The following TTC39B variants were observed in gnomAD, a reference collection of about 807,000 sequenced individuals.
TTC39B encodes tetratricopeptide repeat domain 39B.
A neutral mutation model predicts 96.6 loss-of-function variants in TTC39B; 92 were observed. The ratio of observed to expected loss-of-function variants is 0.95; its 90% CI spans 0.80 to 1.13. The LOEUF is 1.13. TTC39B is among the 50% of genes most tolerant of loss of function. The pLI, the probability that TTC39B is intolerant of heterozygous loss-of-function variation, is 0.00. For missense variants in TTC39B, 955 were observed against 809.3 expected (o/e 1.18, Z -2.18); for synonymous variants, 367 against 299.4 (o/e 1.23, Z -2.33).
chr9:15,281,625 C>CAAAAAAAAAAA lies in TTC39B; in HGVS notation c.241-13688_241-13678dup, dbSNP rs1161175672. On this transcript the variant is annotated intron_variant, in intron 1 of 19. Transcript: ENST00000512701. ...CCTACCAACATCCCCCCTGCAACAG[C>CAAAAAAAAAAA]AAAAAAAAAAAAAAAAAAAAAAAAA... Among the ~76,000 whole-genome samples, 35 of 48,990 alleles carry CAAAAAAAAAAA rather than the reference C, an allele frequency of 7.1e-4. 1 individual carries two copies. The highest frequency in any genetic ancestry group is 3.2e-3 in the African/African-American group (34 of 10,504). 32.1% of individuals were successfully genotyped at this position (48,990 alleles called of 152,430 possible). A position where few individuals can be genotyped will look rare whatever the true frequency, so the allele number is the denominator to read the frequency against.
chr9:15,244,833 G>A (rs1346085558), intron 2 of TTC39B, among the ~76,000 whole-genome samples: 4 of 152,132 alleles, frequency 2.6e-5, no homozygotes, highest in Non-Finnish European at 5.9e-5. Flanking sequence ...GGGGGACATT[G>A]TCTTTTCTTT....
At chr9:15,273,449 C>G (rs975593391) in intron 1 of TTC39B, among the ~76,000 whole-genome samples, 1 of 152,122 alleles carries the variant, frequency 6.6e-6, no homozygotes, top group African/African-American at 2.4e-5. Flanking sequence ...TCTAGAACTC[C>G]GTTCCTCCCT....
chr9:15,189,735 T>C (rs769024554), exon 12 of TTC39B: 2 of 1,614,008 alleles, frequency 1.2e-6, no homozygotes, highest in Non-Finnish European at 1.7e-6. Context: ...ATTTGGAAAC[T>C]GCTGGAGGAA....
chr9:15,277,903 A>C lies in TTC39B; in HGVS notation c.241-9955T>G, dbSNP rs149539326. Among the ~76,000 whole-genome samples, 4 of 152,354 alleles carry C rather than the reference A, an allele frequency of 2.6e-5. No homozygotes were observed. In the East Asian group the frequency reaches 7.7e-4, roughly 29 times the overall value. On this transcript the variant is annotated intron_variant, in intron 1 of 19. Transcript: ENST00000512701. The stretch of plus-strand genomic sequence containing the variant: ...CAATAGCTAGCTAGTGTTAAATGCC[A>C]AGCGAAGCAGTTCACACAATGATTC...
At chr9:15,219,083 A>G (rs1820694621) in intron 3 of TTC39B, among the ~76,000 whole-genome samples, 1 of 152,192 alleles carries the variant, frequency 6.6e-6, no homozygotes, top group Non-Finnish European at 1.5e-5. Context: ...TTGAAACATA[A>G]AAGTAGTATT....
At chr9:15,295,181 G>A (rs1824329153) in intron 1 of TTC39B, among the ~76,000 whole-genome samples, 1 of 152,114 alleles carries the variant, frequency 6.6e-6, no homozygotes, top group African/African-American at 2.4e-5. Context: ...TAGTACCAGG[G>A]TCAGCAAACT....
intron 2 of TTC39B, among the ~76,000 whole-genome samples, chr9:15,251,506 G>A (rs1006723392): frequency 1.3e-5 from 2 of 151,800 alleles, no homozygotes; most frequent in Non-Finnish European, 2.9e-5. Context: ...AGGTTGCGGT[G>A]AGCTGAGTAG....
chr9:15,229,908 T>A lies in TTC39B; in HGVS notation c.276-3896A>T, dbSNP rs187956729. 2.6e-4 allele frequency among the ~76,000 whole-genome samples: 39 copies of A among 152,386 alleles called. No individual in the cohort carries two copies. In the East Asian group the frequency reaches 7.5e-3, roughly 29 times the overall value. On this transcript the variant is annotated intron_variant, in intron 2 of 19. Coordinates refer to ENST00000512701, the Ensembl canonical transcript of TTC39B. ...ATTTCAGAGTTAGTCATTATAATAT[T>A]ACAAGCAAGTCCTGCTGGAGTTTTG... is the stretch of plus-strand genomic sequence containing the variant.
At chr9:15,223,056 A>T (rs1015898073) in intron 3 of TTC39B, among the ~76,000 whole-genome samples, 1 of 152,236 alleles carries the variant, frequency 6.6e-6, no homozygotes, top group African/African-American at 2.4e-5. Flanking sequence ...ATTTGAAGTG[A>T]TGAACACAAA....
intron 1 of TTC39B, among the ~76,000 whole-genome samples, chr9:15,298,480 G>C (rs560195819): frequency 4.8e-4 from 73 of 152,324 alleles, no homozygotes; most frequent in African/African-American, 1.7e-3. Context: ...AAAGATGAAG[G>C]AGGAGCAAAG....
chr9:15,286,928 C>T (rs907375764), intron 1 of TTC39B, among the ~76,000 whole-genome samples: 2 of 152,184 alleles, frequency 1.3e-5, no homozygotes, highest in Non-Finnish European at 2.9e-5. Context: ...AAATTTCTCA[C>T]AATTTATCCC....
At chr9:15,181,591 T>C (rs1818252701) in intron 17 of TTC39B, among the ~76,000 whole-genome samples, 1 of 152,192 alleles carries the variant, frequency 6.6e-6, no homozygotes, top group African/African-American at 2.4e-5. Flanking sequence ...TCCGGTAAAC[T>C]GAAATGTGGC....
At chr9:15,257,010 T>C (rs1364457996) in intron 2 of TTC39B, among the ~76,000 whole-genome samples, 1 of 152,170 alleles carries the variant, frequency 6.6e-6, no homozygotes. Context: ...CACACAAACA[T>C]ACTGTTAAAA....
At chr9:15,202,040 A>G (rs996641630) in intron 7 of TTC39B, among the ~76,000 whole-genome samples, 1 of 152,196 alleles carries the variant, frequency 6.6e-6, no homozygotes, top group African/African-American at 2.4e-5. Flanking sequence ...TTCTAGAACA[A>G]TGATAGGAAG....
intron 1 of TTC39B, among the ~76,000 whole-genome samples, chr9:15,285,066 C>G (rs529981819): frequency 2.6e-5 from 4 of 152,036 alleles, no homozygotes; most frequent in Non-Finnish European, 5.9e-5. Context: ...TCGAGACCAT[C>G]CTGGCTAACA....
intron 11 of TTC39B, among the ~76,000 whole-genome samples, chr9:15,190,111 A>G (rs1183796719): frequency 1.3e-5 from 2 of 151,280 alleles, no homozygotes; most frequent in African/African-American, 4.9e-5. Flanking sequence ...AATCTCATAT[A>G]TGATAAAATA....
chr9:15,215,232 T>C (rs1820443189), intron 3 of TTC39B, among the ~76,000 whole-genome samples: 1 of 151,480 alleles, frequency 6.6e-6, no homozygotes, highest in African/African-American at 2.4e-5. Context: ...GCCTGAGCGA[T>C]AGAGACTTTG....
intron 2 of TTC39B, among the ~76,000 whole-genome samples, chr9:15,233,327 GCCCTCTCCCTCT>G (rs768879040): frequency 2.4e-4 from 36 of 152,010 alleles, no homozygotes; most frequent in Admixed American, 5.9e-4. Flanking sequence ...AGAAAACCTC[GCCCTCTCCCTCT>G]CCCTCTCCCT....
intron 2 of TTC39B, among the ~76,000 whole-genome samples, chr9:15,228,325 G>T (rs562683795): frequency 6.6e-6 from 1 of 152,060 alleles, no homozygotes; most frequent in South Asian, 2.1e-4. Flanking sequence ...TTAGCCAGGC[G>T]TGGTGGTGGG....
Sources: allele counts gnomAD v4.1 joint callset (sites outside exome capture counted in the v4.1 genomes callset), GRCh38; gene constraint gnomAD v4.1.1; transcripts MANE v1.5; gene names NCBI Gene and HGNC (gene_info 2026-07-23, HGNC 2026-07-21).